The following SF3B1 variants were observed in gnomAD, a reference collection of about 807,000 sequenced individuals.
SF3B1 encodes pre-mRNA processing 10.
A neutral mutation model predicts 153.8 loss-of-function variants in SF3B1; 12 were observed. That is an observed-to-expected ratio of 0.08 (90% CI 0.05 to 0.13). The LOEUF (loss-of-function observed/expected upper bound fraction) is 0.13, where lower values mean the gene tolerates loss of function less well. Among genes scored for constraint, SF3B1 ranks in the 10% least tolerant of loss-of-function variants. SF3B1 has a pLI of 1.00. For synonymous variants in SF3B1, 498 were observed against 525.2 expected (o/e 0.95, Z 0.71); for missense variants, 513 against 1,606.1 (o/e 0.32, Z 11.63).
chr2:197,426,219 T>G (rs970719226), intron 1 of SF3B1, among the ~76,000 whole-genome samples: 1 of 151,942 alleles, frequency 6.6e-6, no homozygotes, highest in Non-Finnish European at 1.5e-5. Flanking sequence ...ATCTCTACTT[T>G]TGTTTCTGTT....
intron 1 of SF3B1, among the ~76,000 whole-genome samples, chr2:197,426,966 C>G (rs1395342931): frequency 2.6e-5 from 4 of 152,182 alleles, no homozygotes; most frequent in Admixed American, 2.6e-4. Context: ...TATTTTCCAT[C>G]TAAACAACTT....
chr2:197,428,689 T>C (rs926379947), intron 1 of SF3B1, among the ~76,000 whole-genome samples: 6 of 151,434 alleles, frequency 4.0e-5, no homozygotes, highest in African/African-American at 9.7e-5. Context: ...AGATCAGGAG[T>C]TCAAAGCCGG....
chr2:197,416,706 T>C lies in SF3B1; in HGVS notation c.666+35A>G, dbSNP rs1574543549. 1.9e-6 allele frequency: 3 copies of C among 1,586,638 alleles called. No homozygotes were observed. The East Asian group carries it at 6.7e-5, about 36-fold the overall frequency. Reference sequence around the variant, plus strand: ...TACAGTCCATAACAGAAAAAAATTTTTTAACAGTAATAACAAAAAACAAAA... The same window carrying C: ...TACAGTCCATAACAGAAAAAAATTTCTTAACAGTAATAACAAAAAACAAAA... On this transcript the variant is annotated intron_variant, in intron 6 of 24. Coordinates refer to ENST00000335508, the MANE Select transcript of SF3B1 (RefSeq NM_012433.4).
At chr2:197,415,193 A>T (rs1289469028) in intron 6 of SF3B1, among the ~76,000 whole-genome samples, 2 of 150,160 alleles carry the variant, frequency 1.3e-5, no homozygotes, top group Admixed American at 1.4e-4. Context: ...TTAATGGTAC[A>T]TGATGAGAGT....
Position 197,401,595 on chromosome 2 carries a change from C to A in SF3B1, c.2371-70G>T. Reference sequence around the variant, plus strand: ...TGAAGAGAATACTCATTGCTGATTACGTGATTTTAAAAAATAAAATTTAAA... The same window carrying A: ...TGAAGAGAATACTCATTGCTGATTAAGTGATTTTAAAAAATAAAATTTAAA... On this transcript the variant is annotated intron_variant, in intron 16 of 24. Coordinates refer to ENST00000335508, the MANE Select transcript of SF3B1 (RefSeq NM_012433.4). This position sits in a 1 kb window ranked among gnomAD's most constrained non-coding sequence, Gnocchi z 4.2. The A allele has an allele frequency of 6.7e-7, 1 of 1,498,072 alleles. No homozygotes were observed. Among genetic ancestry groups the A allele is most frequent in the Non-Finnish European group, 9.1e-7 (1 of 1,095,400 alleles). 92.8% of individuals were successfully genotyped at this position (1,498,072 alleles called of 1,614,324 possible). A position where few individuals can be genotyped will look rare whatever the true frequency, so the allele number is the denominator to read the frequency against.
intron 4 of SF3B1, 23 bp from the exon 5 acceptor site, chr2:197,418,611 G>A (rs767356311): frequency 3.3e-5 from 52 of 1,599,804 alleles, no homozygotes; most frequent in Non-Finnish European, 4.3e-5. Context: ...ACAGCAACAG[G>A]AAAAAGAGTA....
intron 7 of SF3B1, among the ~76,000 whole-genome samples, chr2:197,409,167 A>G (rs1239567597): frequency 6.6e-6 from 1 of 152,012 alleles, no homozygotes; most frequent in African/African-American, 2.4e-5. Context: ...CAGAAGGCCG[A>G]GGGGGGCAGA....
intron 5 of SF3B1, 56 bp from the exon 6 acceptor site, chr2:197,416,967 AT>A: frequency 6.5e-7 from 1 of 1,530,034 alleles, no homozygotes. Context: ...TTTTTCTACC[AT>A]TAGCGCAATC....
intron 4 of SF3B1, 198 bp from the exon 5 acceptor site, chr2:197,418,786 T>C: frequency 6.8e-7 from 1 of 1,479,988 alleles, no homozygotes; most frequent in Non-Finnish European, 8.9e-7. Context: ...AACACAAACA[T>C]CTACAGCAGT....
At chr2:197,426,116 AC>A (rs2085332906) in intron 1 of SF3B1, among the ~76,000 whole-genome samples, 3 of 151,970 alleles carry the variant, frequency 2.0e-5, no homozygotes, top group Non-Finnish European at 4.4e-5. Context: ...CAGCACCACT[AC>A]ATGCACAGAT....
chr2:197,394,429 A>C (rs2084852019), intron 23 of SF3B1, among the ~76,000 whole-genome samples: 1 of 152,224 alleles, frequency 6.6e-6, no homozygotes, highest in African/African-American at 2.4e-5. Context: ...AGTTTCATTC[A>C]ATAACTCAAT....
chr2:197,395,472 CTTGCACTTTCCT>C (rs1327531367), intron 23 of SF3B1, among the ~76,000 whole-genome samples: 4 of 152,220 alleles, frequency 2.6e-5, no homozygotes, highest in Non-Finnish European at 5.9e-5. Flanking sequence ...CCTTACTACG[CTTGCACTTTCCT>C]TTGCACTTTC....
chr2:197,393,442 A>G (rs2084836939), intron 23 of SF3B1: 2 of 455,636 alleles, frequency 4.4e-6, no homozygotes, highest in South Asian at 6.8e-5. Flanking sequence ...ATTAAGCCAT[A>G]TTTTCTAATT....
intron 2 of SF3B1, 112 bp downstream of exon 2, chr2:197,423,696 A>T: frequency 9.8e-7 from 1 of 1,021,282 alleles, no homozygotes; most frequent in Non-Finnish European, 1.4e-6. Flanking sequence ...TATCCTCTAA[A>T]AGATCCCAAA....
At chr2:197,407,967 A>T (rs751537935) in intron 9 of SF3B1, 31 bp downstream of exon 9, 1 of 1,597,722 alleles carries the variant, frequency 6.3e-7, no homozygotes, top group Non-Finnish European at 8.6e-7. Flanking sequence ...GTATATCCTA[A>T]ATACCACCTC....
chr2:197,431,292 GT>G (rs1248703757), intron 1 of SF3B1, among the ~76,000 whole-genome samples: 1 of 151,566 alleles, frequency 6.6e-6, no homozygotes, highest in Non-Finnish European at 1.5e-5. Flanking sequence ...TAATTTTTTT[GT>G]ACTTTTAGTA....
intron 1 of SF3B1, among the ~76,000 whole-genome samples, 192 bp from the exon 2 acceptor site, chr2:197,424,166 C>A (rs2085293435): frequency 6.6e-6 from 1 of 152,210 alleles, no homozygotes; most frequent in Non-Finnish European, 1.5e-5. Flanking sequence ...ATAGGCTGGG[C>A]ATGTGGCTCA....
rs1023031741 is a variant in SF3B1, at chr2:197,400,534, T to C, written c.2719-100A>G. 1.3e-5 allele frequency: 15 copies of C among 1,135,434 alleles called. No individual in the cohort carries two copies. The highest frequency in any genetic ancestry group is 5.0e-5 in the East Asian group (2 of 39,992). 70.3% of individuals were successfully genotyped at this position (1,135,434 alleles called of 1,614,324 possible). A position where few individuals can be genotyped will look rare whatever the true frequency, so the allele number is the denominator to read the frequency against. On this transcript the variant is annotated intron_variant, in intron 18 of 24. Coordinates refer to ENST00000335508, the MANE Select transcript of SF3B1 (RefSeq NM_012433.4). This position sits in a 1 kb window ranked among gnomAD's most constrained non-coding sequence, Gnocchi z 5.0. ...CCTTTTCTAACCACCCAAACATCTG[T>C]TGCTGTTTTTTTACATCAAATCTTA...
intron 6 of SF3B1, among the ~76,000 whole-genome samples, chr2:197,412,785 C>A (rs2085090362): frequency 6.7e-6 from 1 of 149,812 alleles, no homozygotes; most frequent in African/African-American, 2.4e-5. Flanking sequence ...GGGAGTTTGA[C>A]ACCAGCCTGG....
Sources: allele counts gnomAD v4.1 joint callset (sites outside exome capture counted in the v4.1 genomes callset), GRCh38; gene constraint gnomAD v4.1.1; non-coding constraint Gnocchi (gnomAD v3.1); transcripts MANE v1.5; gene names NCBI Gene and HGNC (gene_info 2026-07-23, HGNC 2026-07-21).